Variants in PRUNE2 observed in about 807,000 individuals in gnomAD.
PRUNE2 encodes the protein prune homolog 2 with BCH domain.
In PRUNE2, 164 loss-of-function variants were observed where a neutral mutation model predicts 252.0. The ratio of observed to expected loss-of-function variants is 0.65; its 90% CI spans 0.57 to 0.74. The LOEUF is 0.74. Among genes scored for constraint, PRUNE2 ranks in the 30% least tolerant of loss-of-function variants. The pLI, the probability that PRUNE2 is intolerant of heterozygous loss-of-function variation, is 0.00. For synonymous variants in PRUNE2, 1,292 were observed against 1,350.2 expected, an observed-to-expected ratio of 0.96 and a Z score of 0.94; for missense variants, 3,495 against 3,711.0, an observed-to-expected ratio of 0.94 and a Z score of 1.51.
At chr9:76,756,224 C>G (rs572486619) in intron 6 of PRUNE2, among the ~76,000 whole-genome samples, 59 of 152,314 alleles carry the variant, frequency 3.9e-4, no homozygotes, top group Middle Eastern at 3.4e-3. Flanking sequence ...AAAGGAACTG[C>G]TTTTTTAAGA....
chr9:76,652,009 A>ACTT (rs1201269512), intron 11 of PRUNE2: 1 of 152,646 alleles, frequency 6.6e-6, no homozygotes, highest in Non-Finnish European at 1.5e-5. Flanking sequence ...GTCAAGGAAG[A>ACTT]CTTCTCTGAG....
chr9:76,626,373 C>A (rs1403028428), intron 16 of PRUNE2, among the ~76,000 whole-genome samples: 2 of 152,112 alleles, frequency 1.3e-5, no homozygotes, highest in African/African-American at 4.8e-5. Flanking sequence ...GAATGTTATT[C>A]AGTGATAAAA....
At chr9:76,673,661 T>C (rs2041967891) in intron 9 of PRUNE2, among the ~76,000 whole-genome samples, 1 of 150,136 alleles carries the variant, frequency 6.7e-6, no homozygotes. Flanking sequence ...CTCAATAAAA[T>C]ACTGGCAAAA....
rs17722792 is a variant in PRUNE2 at position 76,754,427 on chromosome 9, A to G, written c.757-40706T>C. On this transcript the variant is annotated intron_variant, in intron 6 of 18. Coordinates refer to ENST00000376718, the MANE Select transcript of PRUNE2 (RefSeq NM_015225.3). The stretch of plus-strand genomic sequence containing the variant: ...TCTATCATGTCTTAGGTCCTAATGA[A>G]TCATCTATCCATGAACGTCCCTTTT... Among the ~76,000 whole-genome samples the G allele has an allele frequency of 3.5e-3, 539 of 152,322 alleles. 1 individual carries two copies. Among genetic ancestry groups the G allele is most frequent in the Non-Finnish European group, 4.9e-3 (331 of 68,030 alleles).
chr9:76,703,782 C>T lies in PRUNE2; in HGVS notation c.7831G>A (p.Ala2611Thr), dbSNP rs2046088336. The T allele has an allele frequency of 6.2e-7, 1 of 1,613,842 alleles. No homozygotes were observed. The highest frequency in any genetic ancestry group is 8.5e-7 in the Non-Finnish European group (1 of 1,179,868). ...ASLNERKGLSAEKMSSKSDTR... is the reference protein window; with the variant it reads ...ASLNERKGLSTEKMSSKSDTR... Reference sequence around the variant, plus strand: ...TCGCTTTTAGAAGACATTTTCTCTGCAGAGAGACCTTTTCTTTCATTTAAG... The same window carrying T: ...TCGCTTTTAGAAGACATTTTCTCTGTAGAGAGACCTTTTCTTTCATTTAAG... Residue 2611 changes from alanine to threonine, a missense_variant, in exon 9 of 19, where the codon GCA becomes ACA. Transcript: ENST00000376718.
chr9:76,663,335 A>C (rs1193447870), intron 9 of PRUNE2, among the ~76,000 whole-genome samples: 1 of 151,952 alleles, frequency 6.6e-6, no homozygotes, highest in Non-Finnish European at 1.5e-5. Flanking sequence ...AGCTGAAGAG[A>C]GATGAAGGAG....
In PRUNE2 at chr9:76,776,820, GT is replaced by G. The variant is rs200859225; in HGVS notation, c.756+46811del. Among the ~76,000 whole-genome samples, 904 of 128,916 alleles carry G rather than the reference GT, an allele frequency of 7.0e-3. 4 individuals carry two copies. Among genetic ancestry groups the G allele is most frequent in the East Asian group, 0.029 (128 of 4,368 alleles). 84.6% of individuals were successfully genotyped at this position (128,916 alleles called of 152,430 possible). On this transcript the variant is annotated intron_variant, in intron 6 of 18. Transcript: ENST00000376718. ...TATGAGCCACTGTGTCCAGCCAGCA[GT>G]TTTTTTTTTTTTTGTATGTTTGAAG...
At chr9:76,693,279 T>C (rs1331937652) in intron 9 of PRUNE2, among the ~76,000 whole-genome samples, 3 of 150,152 alleles carry the variant, frequency 2.0e-5, no homozygotes, top group Non-Finnish European at 3.0e-5. Context: ...ATCTTTTTCT[T>C]TTTTTGATGG....
At chr9:76,813,142 A>C (rs2057467570) in intron 6 of PRUNE2, among the ~76,000 whole-genome samples, 1 of 152,224 alleles carries the variant, frequency 6.6e-6, no homozygotes, top group Non-Finnish European at 1.5e-5. Context: ...GGCCATGGTA[A>C]GAGCATTTAC....
At position 76,835,376 on chromosome 9, in the gene PRUNE2, G is replaced by A. The variant is rs2058902002; in HGVS notation, c.509-8644C>T. ...ATGAATAACAGAGAGAAAGAGGGAG[G>A]AGGAAAATGGAAGGAGGAAAAAGAA... On this transcript the variant is annotated intron_variant, in intron 4 of 18. Transcript: ENST00000376718. Among the ~76,000 whole-genome samples, 5 of 151,706 alleles carry A rather than the reference G, an allele frequency of 3.3e-5. No individual in the cohort carries two copies. The South Asian group carries it at 1.0e-3, about 32-fold the overall frequency.
At chr9:76,871,641 T>A (rs17063068) in intron 1 of PRUNE2, among the ~76,000 whole-genome samples, 3,570 of 152,292 alleles carry the variant, frequency 0.023, 92 homozygotes, top group African/African-American at 0.057. Context: ...CTATGACAAT[T>A]TTTTTAAGAC....
At chr9:76,738,507 T>A (rs2049281980) in intron 6 of PRUNE2, 1 of 152,208 alleles carries the variant, frequency 6.6e-6, no homozygotes, top group Non-Finnish European at 1.5e-5. Flanking sequence ...ACCATAGCAC[T>A]ATCATCAGAA....
chr9:76,746,724 A>AC (rs1271174895), intron 6 of PRUNE2, among the ~76,000 whole-genome samples: 30 of 147,888 alleles, frequency 2.0e-4, no homozygotes, highest in African/African-American at 7.2e-4. Context: ...AAAAAAAAAA[A>AC]AAAAAAAAAA....
At chr9:76,621,867 G>A (rs1380880648) in intron 17 of PRUNE2, among the ~76,000 whole-genome samples, 1 of 151,718 alleles carries the variant, frequency 6.6e-6, no homozygotes. Flanking sequence ...ATTTTTTTTT[G>A]TAGAGATGGA....
At chr9:76,667,518 A>G (rs1209521126) in intron 9 of PRUNE2, among the ~76,000 whole-genome samples, 2 of 145,188 alleles carry the variant, frequency 1.4e-5, no homozygotes, top group African/African-American at 5.1e-5. Context: ...CCCATAAGAT[A>G]AGCTCACAAA....
chr9:76,873,513 T>C (rs536200593), intron 1 of PRUNE2, among the ~76,000 whole-genome samples: 22 of 152,296 alleles, frequency 1.4e-4, no homozygotes, highest in African/African-American at 5.3e-4. Flanking sequence ...CCCTTTTCCC[T>C]TTTCAAGGGA....
chr9:76,770,026 A>G (rs1457419075), intron 6 of PRUNE2, among the ~76,000 whole-genome samples: 1 of 152,248 alleles, frequency 6.6e-6, no homozygotes, highest in Admixed American at 6.5e-5. Flanking sequence ...AAAATTTATT[A>G]GCATCATAAC....
At chr9:76,644,645 T>C in intron 12 of PRUNE2, 94 bp downstream of exon 12, 3 of 1,155,392 alleles carry the variant, frequency 2.6e-6, no homozygotes, top group Non-Finnish European at 3.9e-6. Context: ...GTCTTTGAGA[T>C]GTCATGTTCC....
At chr9:76,766,959 C>A (rs532604572) in intron 6 of PRUNE2, among the ~76,000 whole-genome samples, 1 of 152,272 alleles carries the variant, frequency 6.6e-6, no homozygotes, top group African/African-American at 2.4e-5. Flanking sequence ...TGTTTATCAT[C>A]TACCTCTCCC....
Sources: gnomAD v4.1 joint callset for allele counts (sites outside exome capture counted in the v4.1 genomes callset) on GRCh38, gnomAD v4.1.1 for gene constraint, MANE v1.5 for transcripts, NCBI Gene and HGNC (gene_info 2026-07-23, HGNC 2026-07-21) for gene names.